Variants in KAT6B observed in about 807,000 individuals in gnomAD.
KAT6B encodes histone acetyltransferase KAT6B.
Under a neutral mutation model 187.5 loss-of-function variants are expected in KAT6B, and 10 were observed. The observed-to-expected ratio is 0.05, with a 90% confidence interval of 0.03 to 0.09. The LOEUF (loss-of-function observed/expected upper bound fraction) is 0.09, where lower values mean the gene tolerates loss of function less well. Among genes scored for constraint, KAT6B ranks in the 10% least tolerant of loss-of-function variants. The pLI, the probability that KAT6B is intolerant of heterozygous loss-of-function variation, is 1.00. For synonymous variants in KAT6B, 861 were observed against 926.8 expected, an observed-to-expected ratio of 0.93 and a Z score of 1.29; for missense variants, 1,952 against 2,558.9, an observed-to-expected ratio of 0.76 and a Z score of 5.12.
rs568572616 is a variant in KAT6B, at chr10:74,885,248, A to T, written c.621+41770A>T. On this transcript the variant is annotated intron_variant, in intron 3 of 17. Transcript: ENST00000287239. ...ATACCTGGCTAATTAAAAAAAAAAA[A>T]TTTTGTAGATATGGGGTCTCTCTAT... Among the ~76,000 whole-genome samples, 36 of 151,574 alleles carry T rather than the reference A, an allele frequency of 2.4e-4. No homozygotes were observed. In the South Asian group the frequency reaches 4.8e-3, roughly 20 times the overall value.
intron 3 of KAT6B, among the ~76,000 whole-genome samples, chr10:74,925,259 C>G (rs1848411297): frequency 6.6e-6 from 1 of 152,120 alleles, no homozygotes; most frequent in African/African-American, 2.4e-5. Context: ...CCAGGCTGGT[C>G]TTGAACTCCT....
chr10:74,905,936 C>G (rs546730892), intron 3 of KAT6B, among the ~76,000 whole-genome samples: 14 of 152,148 alleles, frequency 9.2e-5, no homozygotes, highest in Non-Finnish European at 1.9e-4. Context: ...TGTTGCCCTT[C>G]TCACATTTCG....
At chr10:74,984,257 G>A (rs975151609) in intron 11 of KAT6B, 2 of 152,210 alleles carry the variant, frequency 1.3e-5, no homozygotes, top group African/African-American at 4.8e-5. Flanking sequence ...CAGGAGACCT[G>A]AGAATGGTCA....
At chr10:74,964,250 A>G (rs993437478) in intron 4 of KAT6B, among the ~76,000 whole-genome samples, 1 of 152,130 alleles carries the variant, frequency 6.6e-6, no homozygotes, top group African/African-American at 2.4e-5. Context: ...TAACTTCACT[A>G]AAACTGTGCT....
At chr10:74,962,473 A>G (rs2133552369) in intron 4 of KAT6B, among the ~76,000 whole-genome samples, 1 of 152,196 alleles carries the variant, frequency 6.6e-6, no homozygotes, top group Middle Eastern at 3.4e-3. Context: ...CTGCCTTCTC[A>G]CTCTCAGAAG....
At chr10:74,967,235 C>T (rs375981589) in intron 4 of KAT6B, among the ~76,000 whole-genome samples, 12 of 149,512 alleles carry the variant, frequency 8.0e-5, no homozygotes, top group Admixed American at 1.3e-4. Context: ...GAGGCTGAGG[C>T]GGGAGAATGT....
At chr10:74,945,797 C>A (rs1373000524) in intron 3 of KAT6B, among the ~76,000 whole-genome samples, 1 of 152,146 alleles carries the variant, frequency 6.6e-6, no homozygotes, top group Non-Finnish European at 1.5e-5. Context: ...ATAAATTACA[C>A]CTCAATGTAA....
intron 3 of KAT6B, among the ~76,000 whole-genome samples, chr10:74,851,199 T>A (rs1282861811): frequency 6.9e-6 from 1 of 143,960 alleles, no homozygotes; most frequent in Admixed American, 7.1e-5. Flanking sequence ...CTGCCGCCTC[T>A]CGGGTTCAAG....
At chr10:74,938,301 A>G (rs191094713) in intron 3 of KAT6B, among the ~76,000 whole-genome samples, 25 of 143,810 alleles carry the variant, frequency 1.7e-4, no homozygotes, top group African/African-American at 6.2e-4. Flanking sequence ...TTCTGTTTGC[A>G]TATTAAAGTT....
At chr10:74,926,162 C>T (rs922692557) in intron 3 of KAT6B, among the ~76,000 whole-genome samples, 9 of 152,146 alleles carry the variant, frequency 5.9e-5, no homozygotes, top group Non-Finnish European at 1.3e-4. Context: ...ATAAAAACAC[C>T]ATTGTATCCA....
chr10:74,831,458 G>A (rs1217776712), intron 1 of KAT6B, among the ~76,000 whole-genome samples: 1 of 152,156 alleles, frequency 6.6e-6, no homozygotes, highest in Non-Finnish European at 1.5e-5. Context: ...CTTAAACAAT[G>A]TATAACTATG....
At position 74,843,226 on chromosome 10, in the gene KAT6B, C is replaced by T; in HGVS notation, c.369C>T (p.Gly123=). ...TTGAAGGACTTGAGGAGCCGAATGG[C>T]TCCTCCCTGAAGAACATAGAGAAGT... is the stretch of plus-strand genomic sequence containing the variant. The part of the protein sequence containing the change: ...RAIEGLEEPN[G]SSLKNIEKYL... Residue 123 remains glycine (G), a synonymous_variant, in exon 3 of 18, where the codon GGC becomes GGT. Transcript: ENST00000287239. The T allele has an allele frequency of 1.9e-6, 3 of 1,614,214 alleles. No individual in the cohort carries two copies. The highest frequency in any genetic ancestry group is 2.5e-6 in the Non-Finnish European group (3 of 1,180,048).
chr10:74,999,276 G>A (rs968375400), intron 13 of KAT6B, among the ~76,000 whole-genome samples: 3 of 152,150 alleles, frequency 2.0e-5, no homozygotes, highest in Non-Finnish European at 1.5e-5. Flanking sequence ...GATAGTGAGC[G>A]CAGCTTTATG....
intron 3 of KAT6B, among the ~76,000 whole-genome samples, chr10:74,933,951 C>T (rs1478254488): frequency 3.3e-5 from 5 of 151,872 alleles, no homozygotes; most frequent in African/African-American, 4.8e-5. Flanking sequence ...TTTGGGAGGC[C>T]GAGGCGGGCA....
At chr10:74,893,621 C>T (rs1349279888) in intron 3 of KAT6B, among the ~76,000 whole-genome samples, 1 of 151,978 alleles carries the variant, frequency 6.6e-6, no homozygotes, top group African/African-American at 2.4e-5. Context: ...AGGCATGCAC[C>T]ACCACGCCCA....
At chr10:74,826,364 G>T (rs1243147055), upstream of KAT6B, among the ~76,000 whole-genome samples, 1 of 151,812 alleles carries the variant, frequency 6.6e-6, no homozygotes, top group African/African-American at 2.4e-5. Context: ...ATTGGCAGTG[G>T]ACCCTCCCCC....
At chr10:74,969,178 G>T (rs1223253675) in intron 4 of KAT6B, among the ~76,000 whole-genome samples, 1 of 152,152 alleles carries the variant, frequency 6.6e-6, no homozygotes, top group East Asian at 1.9e-4. Context: ...GTGGGGGAGG[G>T]CATCTGTAGT....
chr10:75,001,942 C>T (rs80105154), intron 13 of KAT6B, among the ~76,000 whole-genome samples: 1,714 of 152,252 alleles, frequency 0.011, 17 homozygotes, highest in Non-Finnish European at 0.017. Context: ...ACATGGCTTA[C>T]CCTCAGGAGC....
At chr10:74,917,045 C>T (rs185597254) in intron 3 of KAT6B, among the ~76,000 whole-genome samples, 32 of 152,274 alleles carry the variant, frequency 2.1e-4, no homozygotes, top group Non-Finnish European at 4.3e-4. Flanking sequence ...GTGGAGGCTG[C>T]AGTGAACTGA....
Sources: allele counts gnomAD v4.1 joint callset (sites outside exome capture counted in the v4.1 genomes callset), GRCh38; gene constraint gnomAD v4.1.1; transcripts MANE v1.5; gene names NCBI Gene and HGNC (gene_info 2026-07-23, HGNC 2026-07-21).